Variants in DYNC1I1 observed in about 807,000 individuals in gnomAD.
The protein encoded by DYNC1I1 is cytoplasmic dynein 1 intermediate chain 1.
A neutral mutation model predicts 86.6 loss-of-function variants in DYNC1I1; 43 were observed. The ratio of observed to expected loss-of-function variants is 0.50; its 90% CI spans 0.39 to 0.64. DYNC1I1 has a LOEUF of 0.64. Ranked by LOEUF, DYNC1I1 falls within the 30% of genes least tolerant of loss-of-function variation. The pLI is 0.00. For synonymous variants in DYNC1I1, 262 were observed against 283.7 expected (o/e 0.92, Z 0.77); for missense variants, 604 against 788.8 (o/e 0.77, Z 2.81).
At chr7:95,806,460 A>C (rs1474977849) in intron 2 of DYNC1I1, among the ~76,000 whole-genome samples, 2 of 152,218 alleles carry the variant, frequency 1.3e-5, no homozygotes, top group East Asian at 3.9e-4. Context: ...CTGGTTTCAA[A>C]GCAAGAAGAG....
intron 1 of DYNC1I1, among the ~76,000 whole-genome samples, chr7:95,779,489 C>T (rs1477918709): frequency 1.3e-5 from 2 of 152,220 alleles, no homozygotes; most frequent in African/African-American, 4.8e-5. Flanking sequence ...TTTTTACGAT[C>T]AAACAGCAAT....
intron 4 of DYNC1I1, among the ~76,000 whole-genome samples, chr7:95,825,203 C>T (rs1795178652): frequency 6.6e-6 from 1 of 152,148 alleles, no homozygotes; most frequent in Non-Finnish European, 1.5e-5. Flanking sequence ...AATCTGTGGA[C>T]TTTTTAAGTG....
At chr7:95,960,992 G>T (rs375783282) in intron 6 of DYNC1I1, among the ~76,000 whole-genome samples, 3 of 152,256 alleles carry the variant, frequency 2.0e-5, no homozygotes, top group African/African-American at 7.2e-5. Context: ...GGCTTGGCTG[G>T]AAGCCACAGG....
rs56835338 is a variant in DYNC1I1, at chr7:95,980,536, C to CTT, written c.580+2960_580+2961dup. Among the ~76,000 whole-genome samples, 81 of 54,442 alleles carry CTT rather than the reference C, an allele frequency of 1.5e-3. 1 individual carries two copies. Among genetic ancestry groups the CTT allele is most frequent in the African/African-American group, 1.9e-3 (25 of 12,946 alleles). The allele number at this position is 54,442 out of a possible 152,430, so 35.7% of individuals were successfully genotyped here. On this transcript the variant is annotated intron_variant, in intron 7 of 16. Transcript: ENST00000447467. ...GGGAACACATTTTTGAGAAATCTGGCTTTTTTTTTTTTTTTTTTTTTTTTT... is the reference window on the plus strand; with the variant it reads ...GGGAACACATTTTTGAGAAATCTGGCTTTTTTTTTTTTTTTTTTTTTTTTTTT...
intron 5 of DYNC1I1, among the ~76,000 whole-genome samples, chr7:95,861,672 A>G (rs1382655809): frequency 6.6e-6 from 1 of 152,130 alleles, no homozygotes; most frequent in Non-Finnish European, 1.5e-5. Flanking sequence ...AGTTGGCTAT[A>G]TATAATTCAT....
chr7:95,901,200 T>C (rs1037121241), intron 6 of DYNC1I1, among the ~76,000 whole-genome samples: 1 of 152,198 alleles, frequency 6.6e-6, no homozygotes, highest in Admixed American at 6.5e-5. Context: ...GCTTAAATGA[T>C]GCTCTACAGT....
chr7:95,985,302 A>G (rs1562963606), intron 8 of DYNC1I1, among the ~76,000 whole-genome samples: 1 of 152,194 alleles, frequency 6.6e-6, no homozygotes. Flanking sequence ...TGTTGTATCT[A>G]CTAGATTTAT....
chr7:95,994,569 C>G (rs1405207228), intron 9 of DYNC1I1, among the ~76,000 whole-genome samples: 2 of 152,034 alleles, frequency 1.3e-5, no homozygotes, highest in African/African-American at 4.8e-5. Context: ...TGCCTCAAAA[C>G]TAGTCCAGTG....
intron 1 of DYNC1I1, among the ~76,000 whole-genome samples, chr7:95,797,377 C>G (rs575931021): frequency 6.6e-6 from 1 of 152,140 alleles, no homozygotes; most frequent in Non-Finnish European, 1.5e-5. Context: ...AAAGTTTGAG[C>G]TTTCAAGCAA....
At chr7:96,057,501 T>C (rs6973801) in intron 14 of DYNC1I1, among the ~76,000 whole-genome samples, 6,689 of 152,278 alleles carry the variant, frequency 0.044, 190 homozygotes, top group Middle Eastern at 0.092. Flanking sequence ...TTACATACCA[T>C]TTAGTAGTGG....
intron 6 of DYNC1I1, among the ~76,000 whole-genome samples, chr7:95,877,419 G>T (rs1251626701): frequency 6.6e-6 from 1 of 152,124 alleles, no homozygotes; most frequent in Non-Finnish European, 1.5e-5. Flanking sequence ...CTCCCACACA[G>T]CCAGCTGCTA....
intron 6 of DYNC1I1, among the ~76,000 whole-genome samples, chr7:95,948,654 T>C (rs1416070184): frequency 6.6e-6 from 1 of 152,182 alleles, no homozygotes; most frequent in Non-Finnish European, 1.5e-5. Flanking sequence ...ATTGAGTACT[T>C]AGTCTACATA....
chr7:95,798,969 G>C (rs1794512557), intron 1 of DYNC1I1, among the ~76,000 whole-genome samples: 1 of 152,192 alleles, frequency 6.6e-6, no homozygotes, highest in Non-Finnish European at 1.5e-5. Context: ...AGATGTAGGG[G>C]AACCTGGCAA....
chr7:95,869,374 G>GTTCC, intron 5 of DYNC1I1, among the ~76,000 whole-genome samples: 1 of 152,134 alleles, frequency 6.6e-6, no homozygotes, highest in East Asian at 1.9e-4. Context: ...ATCTGTGTTA[G>GTTCC]TTCCTATTCT....
chr7:95,911,969 A>G (rs1029729982), intron 6 of DYNC1I1, among the ~76,000 whole-genome samples: 1 of 152,182 alleles, frequency 6.6e-6, no homozygotes, highest in Non-Finnish European at 1.5e-5. Context: ...CAAGCACTCA[A>G]ATTTGTGAAC....
chr7:95,785,585 A>C (rs1234982923), intron 1 of DYNC1I1, among the ~76,000 whole-genome samples: 1 of 151,774 alleles, frequency 6.6e-6, no homozygotes, highest in Non-Finnish European at 1.5e-5. Context: ...CCTCCTTCCC[A>C]AAAACAGAGA....
At chr7:96,009,994 A>T (rs1584248022) in intron 10 of DYNC1I1, among the ~76,000 whole-genome samples, 1 of 151,914 alleles carries the variant, frequency 6.6e-6, no homozygotes. Flanking sequence ...GGTCAGGCTG[A>T]TCTCAAACTC....
chr7:95,917,720 A>T (rs925616918), intron 6 of DYNC1I1, among the ~76,000 whole-genome samples: 27 of 152,192 alleles, frequency 1.8e-4, no homozygotes, highest in Admixed American at 7.2e-4. Context: ...TTCTCAGTGG[A>T]TCTGAACTTT....
chr7:96,098,609 G>GT (rs1033721757), downstream of DYNC1I1, among the ~76,000 whole-genome samples: 17 of 152,238 alleles, frequency 1.1e-4, no homozygotes, highest in African/African-American at 3.4e-4. Flanking sequence ...AATGTGTGTG[G>GT]TTTTTTTGGA....
Sources: gnomAD v4.1 joint callset for allele counts (sites outside exome capture counted in the v4.1 genomes callset) on GRCh38, gnomAD v4.1.1 for gene constraint, MANE v1.5 for transcripts, NCBI Gene and HGNC (gene_info 2026-07-23, HGNC 2026-07-21) for gene names.